Variants in KCNIP1 observed in about 807,000 individuals in gnomAD.
KCNIP1 encodes the protein A-type potassium channel modulatory protein KCNIP1.
In KCNIP1, 18 loss-of-function variants were observed where a neutral mutation model predicts 33.0. The ratio of observed to expected loss-of-function variants is 0.55; its 90% CI spans 0.38 to 0.81. The LOEUF (loss-of-function observed/expected upper bound fraction) is 0.81, where lower values mean the gene tolerates loss of function less well. Ranked by LOEUF, KCNIP1 falls within the 30% of genes least tolerant of loss-of-function variation. The probability of loss-of-function intolerance (pLI) is 0.00; values close to 1 mark genes in which losing one functional copy is unlikely to be tolerated. For synonymous variants in KCNIP1, 93 were observed against 98.3 expected, an observed-to-expected ratio of 0.95 and a Z score of 0.32; for missense variants, 238 against 271.6, an observed-to-expected ratio of 0.88 and a Z score of 0.87.
rs5873234 is a variant in KCNIP1 at position 170,703,610 on chromosome 5, C to CA, written c.62-15139dup. 2.3e-4 allele frequency among the ~76,000 whole-genome samples: 30 copies of CA among 132,274 alleles called. 4 individuals carry two copies. The highest frequency in any genetic ancestry group is 3.4e-4 in the Admixed American group (4 of 11,890). The allele number at this position is 132,274 out of a possible 152,430, so 86.8% of individuals were successfully genotyped here. On this transcript the variant is annotated intron_variant, in intron 1 of 7. Coordinates refer to ENST00000328939, the MANE Select transcript of KCNIP1 (RefSeq NM_014592.4). ...CAACACAGTGAGACCCCATCTCTAC[C>CA]AAAAAAAAATTAATTTAAAAAATAA...
At chr5:170,405,567 T>C (rs1235162689) in intron 1 of KCNIP1, among the ~76,000 whole-genome samples, 1 of 152,184 alleles carries the variant, frequency 6.6e-6, no homozygotes, top group Non-Finnish European at 1.5e-5. Flanking sequence ...CTGGCTTCTC[T>C]TGATTCATTT....
chr5:170,383,512 G>A, intron 1 of KCNIP1: 1 of 749,410 alleles, frequency 1.3e-6, no homozygotes. Context: ...ACCCAGGTCT[G>A]TGTGACTCCA....
chr5:170,677,828 GA>G (rs375943207), intron 1 of KCNIP1, among the ~76,000 whole-genome samples: 3,666 of 150,632 alleles, frequency 0.024, 139 homozygotes, highest in African/African-American at 0.082. Flanking sequence ...GACCTAAGGG[GA>G]AAAAAAAATG....
At chr5:170,699,140 A>G (rs1005699102) in intron 1 of KCNIP1, among the ~76,000 whole-genome samples, 1 of 152,192 alleles carries the variant, frequency 6.6e-6, no homozygotes, top group African/African-American at 2.4e-5. Context: ...GTACTTACTC[A>G]TTGCAGCAAA....
At chr5:170,573,355 G>T (rs1354740874) in intron 1 of KCNIP1, among the ~76,000 whole-genome samples, 1 of 152,134 alleles carries the variant, frequency 6.6e-6, no homozygotes, top group African/African-American at 2.4e-5. Context: ...ATTGAGCATG[G>T]TTGCTCTCCA....
chr5:170,710,792 C>G (rs1003883205), intron 1 of KCNIP1, among the ~76,000 whole-genome samples: 1 of 152,196 alleles, frequency 6.6e-6, no homozygotes, highest in Non-Finnish European at 1.5e-5. Context: ...ATGCTCTTCC[C>G]TTGTTCCCTC....
intron 1 of KCNIP1, among the ~76,000 whole-genome samples, chr5:170,691,076 G>A (rs539228218): frequency 6.6e-6 from 1 of 152,360 alleles, no homozygotes; most frequent in African/African-American, 2.4e-5. Flanking sequence ...GTGGATAGAA[G>A]GGATGCGACC....
At chr5:170,602,157 A>G (rs927413467) in intron 1 of KCNIP1, among the ~76,000 whole-genome samples, 1 of 152,224 alleles carries the variant, frequency 6.6e-6, no homozygotes, top group Non-Finnish European at 1.5e-5. Context: ...TGTATAGTGC[A>G]TGGCCATCCT....
At chr5:170,537,057 C>T (rs546945985) in intron 1 of KCNIP1, among the ~76,000 whole-genome samples, 5 of 152,324 alleles carry the variant, frequency 3.3e-5, no homozygotes, top group Admixed American at 6.5e-5. Flanking sequence ...CCAACTCTCC[C>T]GGGACACCCC....
chr5:170,525,236 A>C (rs1238612786), intron 1 of KCNIP1, among the ~76,000 whole-genome samples: 2 of 152,220 alleles, frequency 1.3e-5, no homozygotes, highest in Non-Finnish European at 2.9e-5. Context: ...GGCTAAGAGC[A>C]TGCGCTCTGC....
chr5:170,577,590 A>T (rs1298960252), intron 1 of KCNIP1, among the ~76,000 whole-genome samples: 1 of 152,208 alleles, frequency 6.6e-6, no homozygotes, highest in African/African-American at 2.4e-5. Flanking sequence ...TCATTTGATT[A>T]AAAAAGGTTA....
At chr5:170,512,694 A>G (rs186911571) in intron 1 of KCNIP1, among the ~76,000 whole-genome samples, 41 of 152,252 alleles carry the variant, frequency 2.7e-4, no homozygotes, top group Admixed American at 9.2e-4. Flanking sequence ...ATCTGGGTCT[A>G]CTCCACTTAA....
chr5:170,676,568 A>C (rs1762153663), intron 1 of KCNIP1, among the ~76,000 whole-genome samples: 1 of 152,216 alleles, frequency 6.6e-6, no homozygotes, highest in South Asian at 2.1e-4. Context: ...ACTGCAGCAG[A>C]ACATTCTGGA....
intron 1 of KCNIP1, among the ~76,000 whole-genome samples, chr5:170,507,460 G>A (rs994775326): frequency 6.6e-6 from 1 of 152,196 alleles, no homozygotes; most frequent in Non-Finnish European, 1.5e-5. Flanking sequence ...AATGTCCAGA[G>A]TAAGGCCATT....
intron 1 of KCNIP1, among the ~76,000 whole-genome samples, chr5:170,674,851 G>T (rs545648188): frequency 6.6e-6 from 1 of 152,296 alleles, no homozygotes; most frequent in African/African-American, 2.4e-5. Flanking sequence ...GAGGGACAGA[G>T]ACCCTGGGAT....
chr5:170,404,773 G>C (rs1287982628), intron 1 of KCNIP1, among the ~76,000 whole-genome samples: 26 of 152,194 alleles, frequency 1.7e-4, no homozygotes, highest in Admixed American at 1.7e-3. Flanking sequence ...TCTTGATGGA[G>C]GAACTACAAA....
chr5:170,472,594 C>A (rs1311860666), intron 1 of KCNIP1, among the ~76,000 whole-genome samples: 40 of 138,772 alleles, frequency 2.9e-4, no homozygotes, highest in African/African-American at 9.4e-4. Context: ...CACCCTCCCC[C>A]CCAAGTCCCC....
intron 1 of KCNIP1, among the ~76,000 whole-genome samples, chr5:170,365,033 C>T (rs973573068): frequency 2.0e-5 from 3 of 152,130 alleles, no homozygotes; most frequent in Non-Finnish European, 2.9e-5. Context: ...CCAACATCTC[C>T]GTTATTCATT....
At chr5:170,518,980 G>A (rs1755255746) in intron 1 of KCNIP1, among the ~76,000 whole-genome samples, 1 of 152,170 alleles carries the variant, frequency 6.6e-6, no homozygotes, top group Non-Finnish European at 1.5e-5. Flanking sequence ...AGTGATTTCA[G>A]GTGCCAGTGC....
Sources: allele counts gnomAD v4.1 joint callset (sites outside exome capture counted in the v4.1 genomes callset), GRCh38; gene constraint gnomAD v4.1.1; transcripts MANE v1.5; gene names NCBI Gene and HGNC (gene_info 2026-07-23, HGNC 2026-07-21).